Variants in TRIQK observed in about 807,000 individuals in gnomAD.
TRIQK encodes the protein triple QxxK/R motif containing, also known as triple QxxK/R motif-containing protein.
TRIQK carries 10 observed loss-of-function variants against 10.8 expected under a neutral mutation model. The ratio of observed to expected loss-of-function variants is 0.92; its 90% CI spans 0.57 to 1.57. The LOEUF is 1.57. Ranked by LOEUF, TRIQK falls within the 40% of genes most tolerant of loss-of-function variation. The pLI, the probability that TRIQK is intolerant of heterozygous loss-of-function variation, is 0.00. For missense variants in TRIQK, 107 were observed against 97.7 expected (o/e 1.09, Z -0.40); for synonymous variants, 33 against 33.7 (o/e 0.98, Z 0.07).
intron 1 of TRIQK, among the ~76,000 whole-genome samples, chr8:92,999,790 T>C (rs2130755697): frequency 6.6e-6 from 1 of 152,308 alleles, no homozygotes; most frequent in Non-Finnish European, 1.5e-5. Flanking sequence ...AAATTGTATT[T>C]GATGAGAGTA....
upstream of TRIQK, among the ~76,000 whole-genome samples, chr8:92,970,561 A>T (rs1370004530): frequency 6.6e-6 from 1 of 152,130 alleles, no homozygotes; most frequent in African/African-American, 2.4e-5. Flanking sequence ...AGTGATGTTG[A>T]ACTTTTTTTC....
chr8:92,997,638 G>C (rs1813165942), intron 1 of TRIQK, among the ~76,000 whole-genome samples: 1 of 152,062 alleles, frequency 6.6e-6, no homozygotes, highest in African/African-American at 2.4e-5. Context: ...GAGCAAATTT[G>C]AGGACACTGA....
At chr8:92,944,575 T>G (rs534125016) in intron 2 of TRIQK, among the ~76,000 whole-genome samples, 1 of 152,192 alleles carries the variant, frequency 6.6e-6, no homozygotes, top group South Asian at 2.1e-4. Context: ...AGATAAATCT[T>G]GAGGACACTA....
At chr8:93,011,545 G>A (rs1372230628) in intron 1 of TRIQK, among the ~76,000 whole-genome samples, 2 of 151,982 alleles carry the variant, frequency 1.3e-5, no homozygotes. Context: ...TATCATCAAA[G>A]AACAACACCA....
At chr8:92,932,623 G>A (rs911750949) in intron 2 of TRIQK, among the ~76,000 whole-genome samples, 4 of 151,676 alleles carry the variant, frequency 2.6e-5, no homozygotes, top group African/African-American at 4.8e-5. Flanking sequence ...GATGTTTCTC[G>A]GTTGAATTAA....
chr8:93,001,146 A>G (rs997116409), intron 1 of TRIQK, among the ~76,000 whole-genome samples: 1 of 152,042 alleles, frequency 6.6e-6, no homozygotes, highest in African/African-American at 2.4e-5. Flanking sequence ...TCTCTACTAA[A>G]AATACAAAAA....
intron 2 of TRIQK, among the ~76,000 whole-genome samples, chr8:92,939,415 A>C (rs1310974075): frequency 1.3e-5 from 2 of 152,108 alleles, no homozygotes; most frequent in African/African-American, 4.8e-5. Context: ...GCAGCTCCAC[A>C]CAGCCAAAAT....
chr8:92,897,316 C>G (rs1808661983), intron 3 of TRIQK, among the ~76,000 whole-genome samples: 1 of 152,092 alleles, frequency 6.6e-6, no homozygotes, highest in African/African-American at 2.4e-5. Flanking sequence ...ATGTATTTTG[C>G]ATTGTAAGAA....
chr8:93,001,582 CAT>C (rs1813211724), intron 1 of TRIQK, among the ~76,000 whole-genome samples: 2 of 152,076 alleles, frequency 1.3e-5, no homozygotes, highest in Admixed American at 6.6e-5. Context: ...TCAGCAAAAT[CAT>C]ATAACAGTTA....
chr8:92,948,256 A>G (rs559915923), intron 2 of TRIQK, among the ~76,000 whole-genome samples: 1 of 152,332 alleles, frequency 6.6e-6, no homozygotes, highest in African/African-American at 2.4e-5. Context: ...AATTATAGAA[A>G]ACAAAGTTGC....
chr8:92,930,320 G>A (rs545065194), intron 2 of TRIQK, among the ~76,000 whole-genome samples: 3 of 148,408 alleles, frequency 2.0e-5, no homozygotes, highest in South Asian at 4.3e-4. Flanking sequence ...AACCCGGGAG[G>A]TGGAGGTTGC....
chr8:92,962,351 G>A (rs765069873), intron 1 of TRIQK, among the ~76,000 whole-genome samples: 3 of 152,126 alleles, frequency 2.0e-5, no homozygotes, highest in South Asian at 4.1e-4. Flanking sequence ...CAAAGATTAA[G>A]GAGAAAGCTG....
upstream of TRIQK, among the ~76,000 whole-genome samples, chr8:92,968,925 T>C (rs959050276): frequency 6.6e-6 from 1 of 152,228 alleles, no homozygotes; most frequent in Non-Finnish European, 1.5e-5. Flanking sequence ...AGGGATTTTA[T>C]GGTTTTAGGT....
chr8:93,002,262 G>T (rs1813218230), intron 1 of TRIQK, among the ~76,000 whole-genome samples: 1 of 151,834 alleles, frequency 6.6e-6, no homozygotes, highest in Non-Finnish European at 1.5e-5. Flanking sequence ...AATAAAAAAG[G>T]AAATATTAAA....
intron 3 of TRIQK, among the ~76,000 whole-genome samples, chr8:92,914,712 G>C (rs1029024553): frequency 2.6e-5 from 4 of 152,002 alleles, no homozygotes; most frequent in African/African-American, 4.8e-5. Context: ...ACACGTGTTA[G>C]GATGACTATG....
intron 4 of TRIQK, 153 bp from the exon 5 acceptor site, chr8:92,886,888 G>T: frequency 4.2e-6 from 2 of 475,688 alleles, no homozygotes; most frequent in Non-Finnish European, 7.5e-6. Flanking sequence ...ATTTTTTGCC[G>T]TTAAGAAACT....
At chr8:92,993,994 G>T (rs1394435) in intron 1 of TRIQK, among the ~76,000 whole-genome samples, 37,015 of 151,958 alleles carry the variant, frequency 0.24, 4,724 homozygotes, top group South Asian at 0.3. Flanking sequence ...TTGGAACAAG[G>T]GCAGAAAGAA....
intron 1 of TRIQK, among the ~76,000 whole-genome samples, chr8:92,961,013 C>T (rs764121397): frequency 7.9e-5 from 12 of 152,112 alleles, no homozygotes; most frequent in Admixed American, 6.6e-5. Context: ...TTCTCCTATC[C>T]ATAGAAGCCA....
intron 2 of TRIQK, among the ~76,000 whole-genome samples, chr8:92,945,009 T>TA (rs953734449): frequency 6.6e-6 from 1 of 152,094 alleles, no homozygotes; most frequent in Non-Finnish European, 1.5e-5. Flanking sequence ...ACAAAGTTAA[T>TA]AAAAAAATTA....
Sources: gnomAD v4.1 joint callset for allele counts (sites outside exome capture counted in the v4.1 genomes callset) on GRCh38, gnomAD v4.1.1 for gene constraint, MANE v1.5 for transcripts, NCBI Gene and HGNC (gene_info 2026-07-23, HGNC 2026-07-21) for gene names.